PDE4D: variants seen among roughly 807,000 people sequenced by gnomAD.
PDE4D encodes the protein phosphodiesterase 4D, also known as 3',5'-cyclic-AMP phosphodiesterase 4D.
In PDE4D, 24 loss-of-function variants were observed where a neutral mutation model predicts 87.4. The observed-to-expected ratio is 0.27, with a 90% CI of 0.20 to 0.39. The LOEUF (loss-of-function observed/expected upper bound fraction) is 0.39, where lower values mean the gene tolerates loss of function less well. Among genes scored for constraint, PDE4D ranks in the 10% least tolerant of loss-of-function variants. The probability of loss-of-function intolerance (pLI) is 1.00; values close to 1 mark genes in which losing one functional copy is unlikely to be tolerated. For synonymous variants in PDE4D, 384 were observed against 383.2 expected (o/e 1.00, Z -0.02); for missense variants, 714 against 1,041.0 (o/e 0.69, Z 4.32).
At position 59,307,742 on chromosome 5, in the gene PDE4D, A is replaced by G. The variant is rs1038583210; in HGVS notation, c.456-91774T>C. 3.8e-4 allele frequency among the ~76,000 whole-genome samples: 58 copies of G among 152,168 alleles called. 2 individuals carry two copies. Among genetic ancestry groups the G allele is most frequent in the Admixed American group, 3.7e-3 (56 of 15,286 alleles). ...GCTGGAGAGGATGTGGAGAAATAGGAATACTTTTACACTGTTGGTGGGACT... is the reference window on the plus strand; with the variant it reads ...GCTGGAGAGGATGTGGAGAAATAGGGATACTTTTACACTGTTGGTGGGACT... On this transcript the variant is annotated intron_variant, in intron 1 of 14. Transcript: ENST00000340635.
chr5:59,825,991 C>T (rs866241693), intron 1 of PDE4D, among the ~76,000 whole-genome samples: 1 of 152,130 alleles, frequency 6.6e-6, no homozygotes, highest in Non-Finnish European at 1.5e-5. Context: ...CTAAGCACAC[C>T]TTTACCCCAC....
chr5:60,486,668 T>C (rs1749166194), intron 1 of PDE4D, among the ~76,000 whole-genome samples: 1 of 152,208 alleles, frequency 6.6e-6, no homozygotes. Context: ...CAATCAAAAA[T>C]AAGCCACTAA....
At chr5:60,486,438 T>C (rs1205167882) in intron 1 of PDE4D, among the ~76,000 whole-genome samples, 2 of 152,232 alleles carry the variant, frequency 1.3e-5, no homozygotes, top group African/African-American at 4.8e-5. Flanking sequence ...GTATTTTGCA[T>C]ATATTTGATT....
At chr5:60,182,470 T>C (rs1784444229) in intron 2 of PDE4D, among the ~76,000 whole-genome samples, 1 of 152,178 alleles carries the variant, frequency 6.6e-6, no homozygotes, top group Non-Finnish European at 1.5e-5. Flanking sequence ...CTGTCTCTAC[T>C]AATAAGACAA....
chr5:59,143,939 G>A (rs902591532), intron 5 of PDE4D, among the ~76,000 whole-genome samples: 4 of 152,172 alleles, frequency 2.6e-5, no homozygotes, highest in Non-Finnish European at 4.4e-5. Flanking sequence ...TGCTTGTCAC[G>A]ATGTGCAATT....
At chr5:59,051,013 A>G (rs11951378) in intron 5 of PDE4D, among the ~76,000 whole-genome samples, 70 of 152,302 alleles carry the variant, frequency 4.6e-4, no homozygotes, top group African/African-American at 1.6e-3. Flanking sequence ...TTTTTCCATC[A>G]TCACCATCAA....
Position 59,993,326 on chromosome 5 carries a change from G to A in PDE4D, c.43-4609C>T, listed in dbSNP as rs1763200817. 3.9e-5 allele frequency among the ~76,000 whole-genome samples: 6 copies of A among 152,108 alleles called. No homozygotes were observed. In the South Asian group the frequency reaches 1.0e-3, roughly 26 times the overall value. ...AATAAAACTGTTTGGCAAATATCCAGGCACAAAGATGTTCACTGCAGCTCA... is the reference window on the plus strand; with the variant it reads ...AATAAAACTGTTTGGCAAATATCCAAGCACAAAGATGTTCACTGCAGCTCA... On this transcript the variant is annotated intron_variant, in intron 2 of 16. Coordinates refer to the PDE4D transcript ENST00000502484.
At chr5:59,873,948 C>T (rs146111549) in intron 1 of PDE4D, among the ~76,000 whole-genome samples, 3 of 152,264 alleles carry the variant, frequency 2.0e-5, no homozygotes, top group Non-Finnish European at 2.9e-5. Flanking sequence ...TGGTGGCTCA[C>T]ACCTGTAATC....
At chr5:60,017,056 T>C (rs1016206233) in intron 2 of PDE4D, among the ~76,000 whole-genome samples, 4 of 152,244 alleles carry the variant, frequency 2.6e-5, no homozygotes, top group Admixed American at 2.6e-4. Flanking sequence ...TGAATGTTGT[T>C]TTTGCAGGCA....
rs1283171147 is a variant in PDE4D at position 58,985,521 on chromosome 5, C to A, written c.1552+2972G>T. The stretch of plus-strand genomic sequence containing the variant: ...TGCCCTGGGAACCAGCCAAGGGAAT[C>A]CCCAGCGCCCCCCATGTGCCTTAAG... On this transcript the variant is annotated intron_variant, in intron 11 of 14. Coordinates refer to ENST00000340635, the MANE Select transcript of PDE4D (RefSeq NM_001104631.2). Among the ~76,000 whole-genome samples the A allele has an allele frequency of 2.0e-5, 3 of 152,296 alleles. No individual in the cohort carries two copies. In the East Asian group the frequency reaches 5.8e-4, roughly 29 times the overall value.
intron 2 of PDE4D, among the ~76,000 whole-genome samples, chr5:60,151,305 T>C (rs1781479131): frequency 6.6e-6 from 1 of 152,142 alleles, no homozygotes; most frequent in Non-Finnish European, 1.5e-5. Flanking sequence ...CCACCACACT[T>C]GGCTACCATT....
At chr5:60,176,295 C>T (rs1397175789) in intron 2 of PDE4D, among the ~76,000 whole-genome samples, 1 of 152,110 alleles carries the variant, frequency 6.6e-6, no homozygotes, top group Non-Finnish European at 1.5e-5. Flanking sequence ...AGGTGCCTGT[C>T]TCTTTCCAGA....
chr5:60,125,525 C>G (rs1347869112), intron 2 of PDE4D, among the ~76,000 whole-genome samples: 2 of 151,076 alleles, frequency 1.3e-5, no homozygotes, highest in Non-Finnish European at 2.9e-5. Context: ...AGAGGTTGTA[C>G]TGACTGCTAA....
chr5:60,217,624 C>A (rs1744012643), intron 1 of PDE4D, among the ~76,000 whole-genome samples: 1 of 151,626 alleles, frequency 6.6e-6, no homozygotes, highest in Admixed American at 6.6e-5. Flanking sequence ...AAAAAACTAG[C>A]AGGACACAGA....
chr5:59,645,416 T>C (rs1166717018), intron 1 of PDE4D, among the ~76,000 whole-genome samples: 2 of 152,224 alleles, frequency 1.3e-5, no homozygotes, highest in Non-Finnish European at 2.9e-5. Context: ...TTTGCCTATA[T>C]CACACTTTTC....
rs1266409025 is a variant in PDE4D, at chr5:60,194,726, G to A, written c.-89-9039C>T. ...AGCTGCCATGTGTATACTTTAACCC[G>A]CCACATACATATCTCATACACTAAG... On this transcript the variant is annotated intron_variant, in intron 1 of 16. Coordinates refer to the PDE4D transcript ENST00000502484. 6.6e-5 allele frequency among the ~76,000 whole-genome samples: 10 copies of A among 151,426 alleles called. 1 individual carries two copies. Among genetic ancestry groups the A allele is most frequent in the Admixed American group, 1.3e-4 (2 of 15,172 alleles).
intron 1 of PDE4D, among the ~76,000 whole-genome samples, chr5:59,233,771 C>A (rs765394348): frequency 3.9e-5 from 6 of 152,100 alleles, no homozygotes; most frequent in South Asian, 2.1e-4. Flanking sequence ...ATTAATAGAT[C>A]CTGAGGGTGA....
intron 1 of PDE4D, among the ~76,000 whole-genome samples, chr5:59,854,569 G>A (rs544690079): frequency 6.6e-6 from 1 of 151,954 alleles, no homozygotes; most frequent in Non-Finnish European, 1.5e-5. Flanking sequence ...TATTATATAA[G>A]CATTGAGGAT....
intron 2 of PDE4D, among the ~76,000 whole-genome samples, chr5:60,004,422 A>G (rs1764286537): frequency 1.3e-5 from 2 of 152,168 alleles, no homozygotes; most frequent in Admixed American, 6.5e-5. Flanking sequence ...TCTCTATGTT[A>G]TTTATAATAC....
Sources: gnomAD v4.1 joint callset for allele counts (sites outside exome capture counted in the v4.1 genomes callset) on GRCh38, gnomAD v4.1.1 for gene constraint, MANE v1.5 for transcripts, NCBI Gene and HGNC (gene_info 2026-07-23, HGNC 2026-07-21) for gene names.